The following ADIPOR2 variants were observed in gnomAD, a reference collection of about 807,000 sequenced individuals.
The protein encoded by ADIPOR2 is adiponectin receptor 2.
ADIPOR2 carries 18 observed loss-of-function variants against 40.9 expected under a neutral mutation model. The observed-to-expected ratio is 0.44, with a 90% CI of 0.30 to 0.65. The LOEUF is 0.65. Among genes scored for constraint, ADIPOR2 ranks in the 30% least tolerant of loss-of-function variants. The pLI is 0.09. For missense variants in ADIPOR2, 283 were observed against 479.2 expected (o/e 0.59, Z 3.82); for synonymous variants, 165 against 166.4 (o/e 0.99, Z 0.06).
At chr12:1,737,333 T>A (rs756104111) in intron 1 of ADIPOR2, among the ~76,000 whole-genome samples, 1 of 140,750 alleles carries the variant, frequency 7.1e-6, no homozygotes, top group Non-Finnish European at 1.6e-5. Flanking sequence ...ATTTGTGGGG[T>A]TTTTTGTTGT....
chr12:1,757,700 T>C, intron 2 of ADIPOR2: 1 of 1,315,888 alleles, frequency 7.6e-7, no homozygotes, highest in Non-Finnish European at 1.1e-6. Flanking sequence ...AAGCGACCCT[T>C]GGTGTCATAG....
At chr12:1,721,632 C>A (rs541476294) in intron 1 of ADIPOR2, among the ~76,000 whole-genome samples, 44 of 152,210 alleles carry the variant, frequency 2.9e-4, no homozygotes, top group Non-Finnish European at 6.5e-4. Flanking sequence ...GGGAAAAGAT[C>A]AGTAGTAAAC....
In ADIPOR2 at chr12:1,723,497, C is replaced by T. The variant is rs561831211; in HGVS notation, c.-86-30761C>T. ...AAAAAAAAAAAAAAAATTAGCCAGG[C>T]GTGGTGGTGGGTGCCTGTGCCTGTA... On this transcript the variant is annotated intron_variant, in intron 1 of 7. Transcript: ENST00000357103. Among the ~76,000 whole-genome samples, 7 of 145,818 alleles carry T rather than the reference C, an allele frequency of 4.8e-5. No individual in the cohort carries two copies. In the South Asian group the frequency reaches 1.3e-3, roughly 27 times the overall value.
At chr12:1,699,171 C>T (rs2094645230) in intron 1 of ADIPOR2, among the ~76,000 whole-genome samples, 1 of 152,160 alleles carries the variant, frequency 6.6e-6, no homozygotes, top group Non-Finnish European at 1.5e-5. Flanking sequence ...TGATAATCTA[C>T]TGGCAGTTCC....
intron 1 of ADIPOR2, among the ~76,000 whole-genome samples, chr12:1,721,627 A>G (rs78597969): frequency 0.015 from 2,304 of 152,334 alleles, 22 homozygotes; most frequent in Middle Eastern, 0.054. Flanking sequence ...CTAGTGGGAA[A>G]AGATCAGTAG....
intron 2 of ADIPOR2, among the ~76,000 whole-genome samples, chr12:1,771,095 G>A (rs149518161): frequency 3.1e-4 from 47 of 152,324 alleles, no homozygotes; most frequent in African/African-American, 1.0e-3. Context: ...AGCTGAGGCA[G>A]GAGGATTGCT....
chr12:1,784,142 G>A, intron 7 of ADIPOR2, 69 bp downstream of exon 7: 1 of 1,431,650 alleles, frequency 7.0e-7, no homozygotes, highest in Non-Finnish European at 9.3e-7. Context: ...GCAGAGTGAT[G>A]CAATAGAAAA....
intron 2 of ADIPOR2, among the ~76,000 whole-genome samples, chr12:1,766,459 G>GC (rs2154443950): frequency 6.6e-6 from 1 of 152,258 alleles, no homozygotes; most frequent in South Asian, 2.1e-4. Context: ...CCAGTATTAT[G>GC]CCATCATTCA....
rs1423996052 is a variant in ADIPOR2, at chr12:1,787,782, T to G, written c.*1710T>G. The G allele has an allele frequency of 1.3e-5, 2 of 152,232 alleles. No individual in the cohort carries two copies. The highest frequency in any genetic ancestry group is 1.5e-5 in the Non-Finnish European group (1 of 68,058). The allele number at this position is 152,232 out of a possible 1,614,324, so 9.4% of individuals were successfully genotyped here. On this transcript the variant is annotated 3_prime_UTR_variant, in exon 8 of 8. Coordinates refer to ENST00000357103, the MANE Select transcript of ADIPOR2 (RefSeq NM_024551.3). ...TATTCAATAGAGTTTTCTCAGTTAT[T>G]TTCCTCCCTTGCCCTTGCAATCTCC...
intron 1 of ADIPOR2, among the ~76,000 whole-genome samples, chr12:1,752,044 A>G (rs575267054): frequency 5.4e-5 from 8 of 149,164 alleles, no homozygotes; most frequent in Non-Finnish European, 1.2e-4. Context: ...AGTAGCTGGG[A>G]TTACAGGCAT....
chr12:1,783,956 C>CGCCA lies in ADIPOR2; in HGVS notation c.916_919dup (p.Thr307SerfsTer37). 6.2e-7 allele frequency: 1 copy of CGCCA among 1,613,564 alleles called. No homozygotes were observed. Among genetic ancestry groups the CGCCA allele is most frequent in the Non-Finnish European group, 8.5e-7 (1 of 1,179,772 alleles). On this transcript the variant is annotated frameshift_variant, in exon 7 of 8. Coordinates refer to ENST00000357103, the MANE Select transcript of ADIPOR2 (RefSeq NM_024551.3). LOFTEE classifies it high-confidence loss of function. Reference sequence around the variant, plus strand: ...TCATCTCGGAGGGGTTCCTTAAGGCCGCCACCATAGGGCAGATAGGCTGGT... The same window carrying CGCCA: ...TCATCTCGGAGGGGTTCCTTAAGGCCGCCAGCCACCATAGGGCAGATAGGCTGGT...
At chr12:1,724,781 C>G (rs189117598) in intron 1 of ADIPOR2, among the ~76,000 whole-genome samples, 25 of 152,226 alleles carry the variant, frequency 1.6e-4, no homozygotes, top group Admixed American at 1.1e-3. Context: ...GCCTCGACTT[C>G]CTGGACTCAA....
chr12:1,748,331 C>A (rs1359364408), intron 1 of ADIPOR2, among the ~76,000 whole-genome samples: 1 of 152,132 alleles, frequency 6.6e-6, no homozygotes, highest in Non-Finnish European at 1.5e-5. Flanking sequence ...TCACTGCAAA[C>A]TCCGCCTCCC....
Position 1,787,351 on chromosome 12 carries a change from T to G in ADIPOR2, c.*1279T>G, listed in dbSNP as rs1183386093. The G allele has an allele frequency of 5.3e-5, 8 of 152,262 alleles. No homozygotes were observed. The highest frequency in any genetic ancestry group is 5.2e-4 in the Admixed American group (8 of 15,290). 9.4% of individuals were successfully genotyped at this position (152,262 alleles called of 1,614,324 possible). ...GCCTGGATGTGACAGACACCTCGGC[T>G]CTCCTTGAATAAGAAAGCCAGCAGA... On this transcript the variant is annotated 3_prime_UTR_variant, in exon 8 of 8. Coordinates refer to ENST00000357103, the MANE Select transcript of ADIPOR2 (RefSeq NM_024551.3).
chr12:1,741,507 A>C (rs2094742831), intron 1 of ADIPOR2, among the ~76,000 whole-genome samples: 1 of 152,220 alleles, frequency 6.6e-6, no homozygotes, highest in South Asian at 2.1e-4. Context: ...AAGTGAACCT[A>C]TAGTGTTAGC....
intron 1 of ADIPOR2, among the ~76,000 whole-genome samples, chr12:1,736,531 T>A (rs10848567): frequency 0.49 from 74,816 of 151,728 alleles, 18,691 homozygotes; most frequent in Non-Finnish European, 0.55. Context: ...GCTAGTGGTC[T>A]ATCAATTTTG....
chr12:1,750,563 G>T (rs1053840845), intron 1 of ADIPOR2, among the ~76,000 whole-genome samples: 5 of 152,082 alleles, frequency 3.3e-5, no homozygotes, highest in African/African-American at 1.2e-4. Flanking sequence ...GTGAGACCCT[G>T]TGTCTCTAGA....
chr12:1,722,438 G>A (rs1381251018), intron 1 of ADIPOR2, among the ~76,000 whole-genome samples: 1 of 152,184 alleles, frequency 6.6e-6, no homozygotes, highest in East Asian at 1.9e-4. Flanking sequence ...GTGGAATTCA[G>A]TGAGAGTTTA....
chr12:1,709,915 T>C (rs1592577534), intron 1 of ADIPOR2, among the ~76,000 whole-genome samples: 1 of 152,224 alleles, frequency 6.6e-6, no homozygotes, highest in African/African-American at 2.4e-5. Context: ...ACCTGATTTG[T>C]TGGCCCAGTA....
Sources: gnomAD v4.1 joint callset for allele counts (sites outside exome capture counted in the v4.1 genomes callset) on GRCh38, gnomAD v4.1.1 for gene constraint, MANE v1.5 for transcripts, NCBI Gene and HGNC (gene_info 2026-07-23, HGNC 2026-07-21) for gene names.